The following NMNAT3 variants were observed in gnomAD, a reference collection of about 807,000 sequenced individuals.
NMNAT3 encodes the protein nicotinamide/nicotinic acid mononucleotide adenylyltransferase 3.
A neutral mutation model predicts 24.8 loss-of-function variants in NMNAT3; 21 were observed. The observed-to-expected ratio is 0.85, with a 90% confidence interval of 0.60 to 1.22. NMNAT3 has a LOEUF of 1.22. Among genes scored for constraint, NMNAT3 ranks in the 50% most tolerant of loss-of-function variants. The probability of loss-of-function intolerance (pLI) is 0.00; values close to 1 mark genes in which losing one functional copy is unlikely to be tolerated. For synonymous variants in NMNAT3, 136 were observed against 155.2 expected (o/e 0.88, Z 0.92); for missense variants, 387 against 436.6 (o/e 0.89, Z 1.01).
intron 3 of NMNAT3, among the ~76,000 whole-genome samples, chr3:139,596,230 C>T (rs1338099919): frequency 1.3e-5 from 2 of 152,086 alleles, no homozygotes; most frequent in Admixed American, 1.3e-4. Flanking sequence ...TTACTTTGCT[C>T]ACGGAGAAAG....
At position 139,629,915 on chromosome 3, in the gene NMNAT3, G is replaced by T. The variant is rs141454614; in HGVS notation, c.-40-2151C>A. 1.2e-4 allele frequency among the ~76,000 whole-genome samples: 19 copies of T among 152,204 alleles called. No homozygotes were observed. The East Asian group carries it at 3.3e-3, about 26-fold the overall frequency. On this transcript the variant is annotated intron_variant, in intron 2 of 6. Transcript: ENST00000643695. ...CTTCATCACTATTTATCAATTACCTGCTAGGTACCTATATCAGTTAGGGAT... is the reference window on the plus strand; with the variant it reads ...CTTCATCACTATTTATCAATTACCTTCTAGGTACCTATATCAGTTAGGGAT...
At chr3:139,648,781 A>C (rs938195357) in intron 1 of NMNAT3, among the ~76,000 whole-genome samples, 2 of 152,224 alleles carry the variant, frequency 1.3e-5, no homozygotes, top group Non-Finnish European at 2.9e-5. Context: ...ATGTAATACT[A>C]TGCAGCTATT....
chr3:139,588,209 T>A (rs1377878486), intron 3 of NMNAT3, among the ~76,000 whole-genome samples: 1 of 152,038 alleles, frequency 6.6e-6, no homozygotes, highest in Non-Finnish European at 1.5e-5. Flanking sequence ...CTCAGACACA[T>A]CTCCATTACA....
At chr3:139,599,443 A>C (rs987853512) in intron 3 of NMNAT3, 12 of 701,110 alleles carry the variant, frequency 1.7e-5, no homozygotes, top group Non-Finnish European at 2.9e-5. Context: ...GCACCCTGGG[A>C]AACAAAGGCC....
At chr3:139,614,063 C>G (rs533295262) in intron 3 of NMNAT3, among the ~76,000 whole-genome samples, 42 of 151,970 alleles carry the variant, frequency 2.8e-4, no homozygotes, top group African/African-American at 9.9e-4. Context: ...GTGCAGCATA[C>G]CAACATGGCA....
intron 3 of NMNAT3, among the ~76,000 whole-genome samples, chr3:139,597,287 T>C (rs887830266): frequency 2.0e-5 from 3 of 152,092 alleles, no homozygotes; most frequent in Admixed American, 6.6e-5. Context: ...TCCTTACAGT[T>C]CTAATTTACT....
chr3:139,573,409 G>A (rs1174233807), intron 6 of NMNAT3, among the ~76,000 whole-genome samples, 189 bp downstream of exon 6: 1 of 152,124 alleles, frequency 6.6e-6, no homozygotes, highest in Admixed American at 6.5e-5. Context: ...TACAGGGGGT[G>A]GTGGCAGATT....
At chr3:139,603,597 G>A (rs1180233859) in intron 3 of NMNAT3, among the ~76,000 whole-genome samples, 1 of 150,722 alleles carries the variant, frequency 6.6e-6, no homozygotes, top group Non-Finnish European at 1.5e-5. Flanking sequence ...CACATTAATA[G>A]CACCACTACC....
At chr3:139,601,122 G>T (rs2054695242) in intron 3 of NMNAT3, among the ~76,000 whole-genome samples, 1 of 152,204 alleles carries the variant, frequency 6.6e-6, no homozygotes. Context: ...TGGGCATAAA[G>T]TCTGCTCCTG....
chr3:139,639,339 T>C (rs1206843933), intron 1 of NMNAT3, among the ~76,000 whole-genome samples: 1 of 152,232 alleles, frequency 6.6e-6, no homozygotes, highest in African/African-American at 2.4e-5. Flanking sequence ...TTGCTTATGT[T>C]TCTGCATGTC....
intron 1 of NMNAT3, among the ~76,000 whole-genome samples, chr3:139,672,081 A>G (rs961337357): frequency 2.6e-5 from 4 of 152,192 alleles, no homozygotes; most frequent in Non-Finnish European, 5.9e-5. Context: ...TTAGGATGCA[A>G]TTAGGCTGAG....
chr3:139,669,179 A>C (rs946165673), intron 1 of NMNAT3, among the ~76,000 whole-genome samples: 1 of 152,144 alleles, frequency 6.6e-6, no homozygotes, highest in Non-Finnish European at 1.5e-5. Flanking sequence ...AAGCATATAA[A>C]ATGGACGGGG....
At chr3:139,612,997 A>G (rs767465309) in intron 3 of NMNAT3, among the ~76,000 whole-genome samples, 111 of 152,368 alleles carry the variant, frequency 7.3e-4, no homozygotes, top group Non-Finnish European at 1.4e-3. Context: ...GATGGATTAA[A>G]GACCTAAATG....
intron 1 of NMNAT3, among the ~76,000 whole-genome samples, chr3:139,650,670 T>C (rs570901956): frequency 1.1e-4 from 16 of 152,320 alleles, no homozygotes; most frequent in Admixed American, 3.3e-4. Context: ...ACCTGAGGAA[T>C]GCATCCTGAC....
chr3:139,590,750 G>A (rs570491757), intron 3 of NMNAT3, among the ~76,000 whole-genome samples: 7 of 152,080 alleles, frequency 4.6e-5, no homozygotes, highest in East Asian at 3.9e-4. Flanking sequence ...TTAATAAAAC[G>A]TATCTAAGAT....
intron 3 of NMNAT3, among the ~76,000 whole-genome samples, chr3:139,602,287 C>T (rs2054752363): frequency 6.6e-6 from 1 of 152,196 alleles, no homozygotes; most frequent in Admixed American, 6.5e-5. Context: ...GAGCTGTGGA[C>T]TCTGCCCTTG....
chr3:139,566,147 G>A (rs1466770264), intron 6 of NMNAT3: 12 of 152,130 alleles, frequency 7.9e-5, no homozygotes, highest in African/African-American at 2.7e-4. Flanking sequence ...TTTTTTGGCT[G>A]CATAAATGTC....
At chr3:139,595,143 A>T (rs368619451) in intron 3 of NMNAT3, among the ~76,000 whole-genome samples, 1 of 152,182 alleles carries the variant, frequency 6.6e-6, no homozygotes, top group Non-Finnish European at 1.5e-5. Flanking sequence ...GTACAAAAAT[A>T]ACAAGCATTC....
At chr3:139,638,638 T>G in intron 1 of NMNAT3, among the ~76,000 whole-genome samples, 1 of 152,208 alleles carries the variant, frequency 6.6e-6, no homozygotes, top group Non-Finnish European at 1.5e-5. Flanking sequence ...CATCCCTCTC[T>G]CAAACTCCAT....
Sources: allele counts gnomAD v4.1 joint callset (sites outside exome capture counted in the v4.1 genomes callset), GRCh38; gene constraint gnomAD v4.1.1; transcripts MANE v1.5; gene names NCBI Gene and HGNC (gene_info 2026-07-23, HGNC 2026-07-21).